Variants in LRRN2 observed in about 807,000 individuals in gnomAD.
LRRN2 encodes leucine-rich repeat neuronal protein 2.
A neutral mutation model predicts 35.7 loss-of-function variants in LRRN2; 10 were observed. The observed-to-expected ratio is 0.28, with a 90% CI of 0.17 to 0.47. The LOEUF is 0.47. Ranked by LOEUF, LRRN2 falls within the 20% of genes least tolerant of loss-of-function variation. The probability of loss-of-function intolerance (pLI) is 0.99; values close to 1 mark genes in which losing one functional copy is unlikely to be tolerated. For synonymous variants in LRRN2, 391 were observed against 409.6 expected (o/e 0.95, Z 0.55); for missense variants, 731 against 940.3 (o/e 0.78, Z 2.91).
At chr1:204,648,965 C>T (rs575185843) in intron 1 of LRRN2, among the ~76,000 whole-genome samples, 1 of 152,272 alleles carries the variant, frequency 6.6e-6, no homozygotes, top group African/African-American at 2.4e-5. Flanking sequence ...AGCTGCGTGG[C>T]GCTGGGATGA....
chr1:204,682,835 T>C (rs1183715056), intron 1 of LRRN2: 1 of 152,182 alleles, frequency 6.6e-6, no homozygotes, highest in Non-Finnish European at 1.5e-5. Flanking sequence ...GGTCACTCAG[T>C]GTGATAATTC....
chr1:204,667,994 G>A (rs958071159), intron 1 of LRRN2, among the ~76,000 whole-genome samples: 1 of 152,128 alleles, frequency 6.6e-6, no homozygotes, highest in African/African-American at 2.4e-5. Context: ...CCTCAGCTTT[G>A]ACCATCCTCG....
At chr1:204,663,995 C>G (rs1423550699) in intron 1 of LRRN2, 1 of 152,272 alleles carries the variant, frequency 6.6e-6, no homozygotes, top group Non-Finnish European at 1.5e-5. Flanking sequence ...AGAGCTCCCC[C>G]AGACGGCAAA....
intron 1 of LRRN2, among the ~76,000 whole-genome samples, chr1:204,684,314 C>A (rs1669018840): frequency 6.6e-6 from 1 of 152,190 alleles, no homozygotes; most frequent in Non-Finnish European, 1.5e-5. Flanking sequence ...CTGCCAGTCG[C>A]CCAGTTAGAA....
At chr1:204,630,246 G>A (rs141704808) in intron 1 of LRRN2, among the ~76,000 whole-genome samples, 8 of 152,022 alleles carry the variant, frequency 5.3e-5, no homozygotes, top group Non-Finnish European at 1.0e-4. Context: ...TAGTTAAGGA[G>A]GTTTGGGTTT....
chr1:204,652,263 C>CCCCCCCCCCG (rs1553348476), intron 1 of LRRN2, among the ~76,000 whole-genome samples: 14 of 73,450 alleles, frequency 1.9e-4, no homozygotes, highest in African/African-American at 8.5e-4. Flanking sequence ...CTTCACCGCC[C>CCCCCCCCCCG]CCCCCCCGCC....
At chr1:204,654,548 G>C (rs1668305917) in intron 1 of LRRN2, among the ~76,000 whole-genome samples, 1 of 152,146 alleles carries the variant, frequency 6.6e-6, no homozygotes, top group Admixed American at 6.5e-5. Context: ...CAGCTGTCTT[G>C]ATCCTTTTTG....
At chr1:204,656,219 C>T (rs998006944) in intron 1 of LRRN2, among the ~76,000 whole-genome samples, 1 of 152,058 alleles carries the variant, frequency 6.6e-6, no homozygotes, top group African/African-American at 2.4e-5. Context: ...CCCCTCTATT[C>T]TTTCTTTGTC....
chr1:204,645,015 G>T (rs1015828742), intron 1 of LRRN2, among the ~76,000 whole-genome samples: 2 of 152,254 alleles, frequency 1.3e-5, no homozygotes, highest in African/African-American at 4.8e-5. Flanking sequence ...ACAGGGCAGG[G>T]CAGAGGGCTT....
At chr1:204,641,234 A>G (rs548803558) in intron 1 of LRRN2, among the ~76,000 whole-genome samples, 3 of 152,346 alleles carry the variant, frequency 2.0e-5, no homozygotes, top group African/African-American at 7.2e-5. Flanking sequence ...TGATCTTTGT[A>G]GCCTAGGATA....
At chr1:204,654,762 C>G (rs1431825001) in intron 1 of LRRN2, among the ~76,000 whole-genome samples, 1 of 152,214 alleles carries the variant, frequency 6.6e-6, no homozygotes, top group Admixed American at 6.5e-5. Context: ...CCAGCTTGCC[C>G]CAGTCCATGA....
At chr1:204,647,679 G>A (rs915518571) in intron 1 of LRRN2, among the ~76,000 whole-genome samples, 1 of 152,138 alleles carries the variant, frequency 6.6e-6, no homozygotes, top group Non-Finnish European at 1.5e-5. Context: ...AAGCCCAGAT[G>A]GACGGCTCTG....
intron 1 of LRRN2, among the ~76,000 whole-genome samples, chr1:204,684,086 C>T (rs747726187): frequency 7.9e-5 from 12 of 152,110 alleles, no homozygotes; most frequent in Non-Finnish European, 1.6e-4. Flanking sequence ...CCTAGACTGG[C>T]GGGAAAGGGG....
Position 204,618,654 on chromosome 1 carries a change from C to T in LRRN2, c.1339G>A (p.Ala447Thr). ...ATCTCGGGTTCGGGTTCGGCCAGTG[C>T]CCGGCAATGCAGCACCATGCTCTCT... The part of the protein sequence containing the change: ...SGESMVLHCR[A>T]LAEPEPEIYW... The change falls in exon 2 of 2, where the codon GCA (alanine) becomes ACA (threonine). Residue 447 changes from alanine (A) to threonine (T), a missense_variant. This residue lies in a region of LRRN2 where 256 missense variants were observed against 392.4 expected (regional missense o/e 0.65). Transcript: ENST00000367177. 1 of 1,607,838 alleles carries T rather than the reference C, an allele frequency of 6.2e-7. No homozygotes were observed. Among genetic ancestry groups the T allele is most frequent in the Non-Finnish European group, 8.5e-7 (1 of 1,176,854 alleles).
intron 1 of LRRN2, among the ~76,000 whole-genome samples, chr1:204,657,736 T>G (rs1391033718): frequency 1.3e-5 from 2 of 152,182 alleles, no homozygotes; most frequent in South Asian, 4.1e-4. Flanking sequence ...TTATGGTATG[T>G]GAATTATATC....
At chr1:204,679,899 C>A (rs769379827) in intron 1 of LRRN2, among the ~76,000 whole-genome samples, 77 of 152,244 alleles carry the variant, frequency 5.1e-4, no homozygotes, top group Non-Finnish European at 8.5e-4. Flanking sequence ...GTCACAGAGA[C>A]CCTCTCTGAA....
chr1:204,631,256 CT>C (rs1468939095), intron 1 of LRRN2, among the ~76,000 whole-genome samples: 5,864 of 36,634 alleles, frequency 0.16, 1,351 homozygotes, highest in East Asian at 0.43. Context: ...CTAGAGTGTT[CT>C]ATATATATAT....
At chr1:204,683,879 G>T (rs1669007051) in intron 1 of LRRN2, among the ~76,000 whole-genome samples, 1 of 152,208 alleles carries the variant, frequency 6.6e-6, no homozygotes, top group Admixed American at 6.5e-5. Flanking sequence ...CCAGGAAAGT[G>T]GGTCAGGCCA....
intron 1 of LRRN2, chr1:204,633,204 A>C (rs919573484): frequency 6.6e-6 from 1 of 152,206 alleles, no homozygotes; most frequent in African/African-American, 2.4e-5. Context: ...AGCAGCCTTC[A>C]CCAGATGCTG....
Sources: gnomAD v4.1 joint callset for allele counts (sites outside exome capture counted in the v4.1 genomes callset) on GRCh38, gnomAD v4.1.1 for gene constraint, gnomAD v4.1.1 regional missense constraint, MANE v1.5 for transcripts, NCBI Gene and HGNC (gene_info 2026-07-23, HGNC 2026-07-21) for gene names.